The following SYCP2 variants were observed in gnomAD, a reference collection of about 807,000 sequenced individuals.
SYCP2 encodes synaptonemal complex protein 2, also known as synaptonemal complex lateral element protein.
SYCP2 carries 55 observed loss-of-function variants against 211.3 expected under a neutral mutation model. That is an observed-to-expected ratio of 0.26 (90% CI 0.21 to 0.33). The LOEUF is 0.33. Ranked by LOEUF, SYCP2 falls within the 10% of genes least tolerant of loss-of-function variation. The probability of loss-of-function intolerance (pLI) is 1.00; values close to 1 mark genes in which losing one functional copy is unlikely to be tolerated. For synonymous variants in SYCP2, 570 were observed against 555.2 expected, an observed-to-expected ratio of 1.03 and a Z score of -0.37; for missense variants, 1,731 against 1,752.0, an observed-to-expected ratio of 0.99 and a Z score of 0.21.
chr20:59,892,639 G>A lies in SYCP2; in HGVS notation c.1856C>T (p.Thr619Ile). ...ACATAGTTCAATGTTTGTTACAGGT[G>A]TCCAACATGCCCATTTGCTGTGTAT... ...NKIHSKWACW[T>I]PVTNIELCNN... Residue 619 changes from threonine (T) to isoleucine (I), a missense_variant, in exon 23 of 45, where the codon ACA becomes ATA. This residue lies in a region of SYCP2 where 1,387 missense variants were observed against 1,351.3 expected (regional missense o/e 1.03). Transcript: ENST00000357552. 1 of 1,610,560 alleles carries A rather than the reference G, an allele frequency of 6.2e-7. No individual in the cohort carries two copies.
At chr20:59,877,915 A>G (rs2059592386) in intron 32 of SYCP2, 93 bp downstream of exon 32, 1 of 1,002,208 alleles carries the variant, frequency 1.0e-6, no homozygotes, top group Non-Finnish European at 1.5e-6. Context: ...CATAACTGAT[A>G]ACAAGGATAA....
At chr20:59,872,055 G>A (rs148133297) in intron 35 of SYCP2, among the ~76,000 whole-genome samples, 83 of 152,026 alleles carry the variant, frequency 5.5e-4, no homozygotes, top group African/African-American at 1.9e-3. Context: ...AGAAGGAGGT[G>A]AAGGAGGCTA....
intron 44 of SYCP2, among the ~76,000 whole-genome samples, chr20:59,865,036 A>C (rs1325045218): frequency 2.0e-5 from 3 of 152,010 alleles, no homozygotes; most frequent in Non-Finnish European, 4.4e-5. Flanking sequence ...ACTAAACTAC[A>C]GACTTTCTGG....
intron 2 of SYCP2, among the ~76,000 whole-genome samples, chr20:59,927,381 T>TAC (rs1208792543): frequency 6.6e-6 from 1 of 152,114 alleles, no homozygotes; most frequent in Non-Finnish European, 1.5e-5. Context: ...TTCAGTATAG[T>TAC]ACATCAAAGG....
intron 22 of SYCP2, among the ~76,000 whole-genome samples, 200 bp downstream of exon 22, chr20:59,892,942 G>T (rs2059936156): frequency 6.6e-6 from 1 of 151,666 alleles, no homozygotes; most frequent in Non-Finnish European, 1.5e-5. Flanking sequence ...TTCATTTTAA[G>T]TCTCTCCACT....
At chr20:59,876,201 T>A (rs1192588727) in intron 33 of SYCP2, among the ~76,000 whole-genome samples, 20 of 150,102 alleles carry the variant, frequency 1.3e-4, no homozygotes, top group African/African-American at 4.6e-4. Context: ...TGAAACCCAG[T>A]CTCTACTAAA....
intron 15 of SYCP2, among the ~76,000 whole-genome samples, chr20:59,903,403 AAGAT>A (rs538346832): frequency 5.4e-4 from 82 of 152,240 alleles, no homozygotes; most frequent in African/African-American, 1.9e-3. Context: ...TGGGGAGAAA[AAGAT>A]AGCTTCAGGA....
At chr20:59,929,394 C>T (rs2060692333) in intron 2 of SYCP2, among the ~76,000 whole-genome samples, 1 of 152,146 alleles carries the variant, frequency 6.6e-6, no homozygotes, top group African/African-American at 2.4e-5. Context: ...AGTAGTTCCA[C>T]TTCTAATTTT....
At chr20:59,873,046 T>C (rs1025808099) in intron 35 of SYCP2, among the ~76,000 whole-genome samples, 13 of 152,234 alleles carry the variant, frequency 8.5e-5, no homozygotes, top group African/African-American at 2.6e-4. Flanking sequence ...TATCATTTCT[T>C]CTTAAAATAT....
At chr20:59,887,217 G>A (rs543117685) in intron 24 of SYCP2, among the ~76,000 whole-genome samples, 21 of 150,988 alleles carry the variant, frequency 1.4e-4, no homozygotes, top group African/African-American at 3.9e-4. Flanking sequence ...TGTTCTCATC[G>A]TTCAATTCCC....
At chr20:59,866,413 GATTA>G (rs761995266) in intron 40 of SYCP2, 21 bp from the exon 41 acceptor site, 12 of 1,558,610 alleles carry the variant, frequency 7.7e-6, no homozygotes, top group African/African-American at 5.5e-5. Flanking sequence ...AACAAAATGA[GATTA>G]ATTTTAAAAA....
intron 28 of SYCP2, among the ~76,000 whole-genome samples, chr20:59,881,742 C>T (rs2059686590): frequency 6.8e-6 from 1 of 146,846 alleles, no homozygotes; most frequent in South Asian, 2.1e-4. Flanking sequence ...TTGTTTTTCT[C>T]TACCTTATTC....
At chr20:59,924,596 T>C (rs2060599539) in intron 2 of SYCP2, among the ~76,000 whole-genome samples, 1 of 151,972 alleles carries the variant, frequency 6.6e-6, no homozygotes, top group Admixed American at 6.6e-5. Flanking sequence ...ACCTACTATG[T>C]ACCCACAAAA....
At chr20:59,872,076 G>C (rs1313118126) in intron 35 of SYCP2, among the ~76,000 whole-genome samples, 1 of 151,928 alleles carries the variant, frequency 6.6e-6, no homozygotes. Context: ...GGTAGATCTA[G>C]GGTTTAGATC....
chr20:59,876,172 A>G (rs1231323660), intron 33 of SYCP2, among the ~76,000 whole-genome samples: 1 of 151,686 alleles, frequency 6.6e-6, no homozygotes, highest in Non-Finnish European at 1.5e-5. Flanking sequence ...AGAGATCGAG[A>G]CCATCCTGAC....
intron 21 of SYCP2, 46 bp downstream of exon 21, chr20:59,893,478 T>A (rs199508701): frequency 8.1e-7 from 1 of 1,234,544 alleles, no homozygotes; most frequent in Non-Finnish European, 1.2e-6. Flanking sequence ...GAGAAGTATA[T>A]ACATTTTCTT....
chr20:59,921,282 C>T (rs931550363), intron 4 of SYCP2, 28 bp downstream of exon 4: 2 of 1,563,296 alleles, frequency 1.3e-6, no homozygotes, highest in Non-Finnish European at 1.7e-6. Context: ...ATAATTGTAA[C>T]AATCATTCAG....
In SYCP2 at chr20:59,875,276, G is replaced by A. The variant is rs139813974; in HGVS notation, c.3344C>T (p.Thr1115Met). 2.8e-5 allele frequency: 44 copies of A among 1,590,388 alleles called. No individual in the cohort carries two copies. The highest frequency in any genetic ancestry group is 9.0e-5 in the East Asian group (4 of 44,332). The stretch of plus-strand genomic sequence containing the variant: ...AAAAACAAAGTTATACTGACATCTC[G>A]TTACTTCTATAGATGATGGACTGCC... ...LSGSPSSIEV[T>M]RCIEKITEKD... Residue 1115 changes from threonine (T) to methionine (M), a missense_variant, in exon 34 of 45, where the codon ACG (threonine) becomes ATG (methionine). Transcript: ENST00000357552.
rs551805092 is a variant in SYCP2, at chr20:59,864,095, A to T, written c.*216T>A. The T allele has an allele frequency of 1.3e-4, 44 of 329,268 alleles. No individual in the cohort carries two copies. In the East Asian group the frequency reaches 1.8e-3, roughly 14 times the overall value. 20.4% of individuals were successfully genotyped at this position (329,268 alleles called of 1,614,324 possible). A position where few individuals can be genotyped will look rare whatever the true frequency, so the allele number is the denominator to read the frequency against. On this transcript the variant is annotated 3_prime_UTR_variant, in exon 45 of 45. Transcript: ENST00000357552. ...GCTTTTATCTCCAAAATTAAAAAAA[A>T]ATATTGTATAGACAGAAGTCTTCTG... is the stretch of plus-strand genomic sequence containing the variant.
Sources: gnomAD v4.1 joint callset for allele counts (sites outside exome capture counted in the v4.1 genomes callset) on GRCh38, gnomAD v4.1.1 for gene constraint, gnomAD v4.1.1 regional missense constraint, MANE v1.5 for transcripts, NCBI Gene and HGNC (gene_info 2026-07-23, HGNC 2026-07-21) for gene names.